The following MCOLN2 variants were observed in gnomAD, a reference collection of about 807,000 sequenced individuals.
MCOLN2 encodes mucolipin-2.
A neutral mutation model predicts 67.5 loss-of-function variants in MCOLN2; 57 were observed. The observed-to-expected ratio is 0.84, with a 90% CI of 0.68 to 1.05. MCOLN2 has a LOEUF of 1.05. Among genes scored for constraint, MCOLN2 ranks in the 50% least tolerant of loss-of-function variants. The pLI, the probability that MCOLN2 is intolerant of heterozygous loss-of-function variation, is 0.00. For missense variants in MCOLN2, 620 were observed against 678.8 expected, an observed-to-expected ratio of 0.91 and a Z score of 0.96; for synonymous variants, 246 against 233.3, an observed-to-expected ratio of 1.05 and a Z score of -0.50.
At chr1:84,948,900 C>A (rs1295846780) in intron 6 of MCOLN2, among the ~76,000 whole-genome samples, 3 of 152,218 alleles carry the variant, frequency 2.0e-5, no homozygotes, top group African/African-American at 7.2e-5. Flanking sequence ...AAGGCCAAGG[C>A]AGGTGGATCA....
chr1:84,969,578 A>G (rs1372070137), intron 1 of MCOLN2, among the ~76,000 whole-genome samples: 1 of 152,064 alleles, frequency 6.6e-6, no homozygotes, highest in East Asian at 1.9e-4. Flanking sequence ...CTCAAAAAAA[A>G]AAAAAAAAAA....
intron 1 of MCOLN2, among the ~76,000 whole-genome samples, chr1:84,984,969 C>G (rs867432254): frequency 2.0e-5 from 3 of 152,064 alleles, no homozygotes; most frequent in African/African-American, 2.4e-5. Context: ...GTACTCCAGT[C>G]TGCAACAGAG....
At chr1:84,966,208 C>T (rs902431983) in intron 1 of MCOLN2, among the ~76,000 whole-genome samples, 4 of 152,018 alleles carry the variant, frequency 2.6e-5, no homozygotes, top group South Asian at 2.1e-4. Flanking sequence ...GCCAAGGTCA[C>T]GCCACTGTAC....
intron 1 of MCOLN2, among the ~76,000 whole-genome samples, chr1:84,993,462 G>A (rs892503704): frequency 6.6e-6 from 1 of 152,106 alleles, no homozygotes; most frequent in African/African-American, 2.4e-5. Flanking sequence ...TCCTGTTAAT[G>A]TTAATATTTT....
rs145109809 is a variant in MCOLN2, at chr1:84,965,607, C to A, written c.179G>T (p.Arg60Leu). ...CAAACCCAGTTTCCACGGAATCTGG[C>A]GTCTGGCTCGGTATTTTTCACAAGG... ...MSPCEKYRAR[R>L]QIPWKLGLQI... The change falls in exon 2 of 14, where the codon CGC (arginine) becomes CTC (leucine). Residue 60 changes from arginine to leucine, a missense_variant. Physicochemically the swap from Arg to Leu is moderately radical, Grantham distance 102 (BLOSUM62 -2). Transcript: ENST00000370608. 3.7e-6 allele frequency: 6 copies of A among 1,614,048 alleles called. No homozygotes were observed. The South Asian group carries it at 6.6e-5, about 18-fold the overall frequency.
At chr1:84,971,495 G>T (rs1026550978) in intron 1 of MCOLN2, among the ~76,000 whole-genome samples, 5 of 84,634 alleles carry the variant, frequency 5.9e-5, no homozygotes, top group African/African-American at 2.2e-4. Context: ...GTATTAAACA[G>T]ACATACACAC....
chr1:84,968,698 T>C lies in MCOLN2; in HGVS notation c.78-2990A>G, dbSNP rs1329826388. On this transcript the variant is annotated intron_variant, in intron 1 of 13. Transcript: ENST00000370608. The stretch of plus-strand genomic sequence containing the variant: ...CAGGCCTCAGAAAACATAATCTCTC[T>C]GACCTTCTCCTGATCTCCTTTAACC... Among the ~76,000 whole-genome samples the C allele has an allele frequency of 2.6e-5, 4 of 152,222 alleles. No homozygotes were observed. The East Asian group carries it at 7.7e-4, about 29-fold the overall frequency.
chr1:84,973,006 G>T (rs1649773561), intron 1 of MCOLN2, among the ~76,000 whole-genome samples: 1 of 152,178 alleles, frequency 6.6e-6, no homozygotes, highest in South Asian at 2.1e-4. Context: ...TGCTGCAGTT[G>T]TCTCCAAAGT....
chr1:84,966,336 C>T (rs1263832333), intron 1 of MCOLN2, among the ~76,000 whole-genome samples: 1 of 152,094 alleles, frequency 6.6e-6, no homozygotes, highest in East Asian at 1.9e-4. Flanking sequence ...ACTTACAAGA[C>T]TCATCAATTC....
intron 7 of MCOLN2, among the ~76,000 whole-genome samples, chr1:84,944,533 A>AAAAGAAAG (rs147241168): frequency 6.6e-6 from 1 of 151,746 alleles, no homozygotes; most frequent in African/African-American, 2.4e-5. Context: ...CTCTGTCTCA[A>AAAAGAAAG]AAAGAAAGAA....
At chr1:84,991,975 TA>T (rs1349371333) in intron 1 of MCOLN2, among the ~76,000 whole-genome samples, 4 of 152,166 alleles carry the variant, frequency 2.6e-5, no homozygotes, top group African/African-American at 9.7e-5. Context: ...GAGCCCAACT[TA>T]ATAGAGTCAT....
chr1:84,992,753 A>AC (rs869159139), intron 1 of MCOLN2, among the ~76,000 whole-genome samples: 1 of 5,466 alleles, frequency 1.8e-4, no homozygotes, highest in East Asian at 0.045. Context: ...CATTATGTCT[A>AC]AAAAAACCAC....
intron 1 of MCOLN2, among the ~76,000 whole-genome samples, chr1:84,986,575 A>G (rs1200551437): frequency 6.8e-6 from 1 of 148,076 alleles, no homozygotes; most frequent in African/African-American, 2.5e-5. Flanking sequence ...TCTGCACAGC[A>G]AAAGAAACAA....
intron 1 of MCOLN2, among the ~76,000 whole-genome samples, chr1:84,967,328 C>A (rs1456148166): frequency 6.6e-6 from 1 of 152,126 alleles, no homozygotes; most frequent in Non-Finnish European, 1.5e-5. Flanking sequence ...TGACTTCTTG[C>A]CTTAGGAAGT....
rs76839671 is a variant in MCOLN2, at chr1:84,991,096, G to C, written c.77+5700C>G. ...AGTTTTCCATATTTTTTTCATTTTT[G>C]GTGGTTAACGTATGAATTCTTGAGT... On this transcript the variant is annotated intron_variant, in intron 1 of 13. Coordinates refer to ENST00000370608, the MANE Select transcript of MCOLN2 (RefSeq NM_153259.4). Among the ~76,000 whole-genome samples, 5 of 151,566 alleles carry C rather than the reference G, an allele frequency of 3.3e-5. No homozygotes were observed. The East Asian group carries it at 9.7e-4, about 29-fold the overall frequency.
Position 84,947,054 on chromosome 1 carries a change from C to A in MCOLN2, c.826G>T (p.Asp276Tyr), listed in dbSNP as rs1648151888. The A allele has an allele frequency of 6.4e-7, 1 of 1,570,816 alleles. No individual in the cohort carries two copies. The highest frequency in any genetic ancestry group is 1.1e-5 in the South Asian group (1 of 90,104). Residue 276 changes from aspartate to tyrosine, a missense_variant, in exon 7 of 14, where the codon GAC (aspartate) becomes TAC (tyrosine). Asp to Tyr is a radical substitution (Grantham distance 160). Coordinates refer to ENST00000370608, the MANE Select transcript of MCOLN2 (RefSeq NM_153259.4). ...DSDAKIEECK[D>Y]LNIFGSTQKN... ...TTACTAGATCCAAATATGTTCAAGT[C>A]TTTACATTCTTCAATTTTGGCATCA...
chr1:84,938,445 C>T (rs1267017834), intron 9 of MCOLN2, among the ~76,000 whole-genome samples: 1 of 152,154 alleles, frequency 6.6e-6, no homozygotes, highest in African/African-American at 2.4e-5. Flanking sequence ...AAGTACCAAA[C>T]AATACAATTC....
chr1:84,942,627 T>C (rs181753050), intron 7 of MCOLN2, among the ~76,000 whole-genome samples: 2 of 152,298 alleles, frequency 1.3e-5, no homozygotes, highest in Admixed American at 1.3e-4. Context: ...GCAGGGCCCA[T>C]AGGTAGTTGC....
Position 84,970,392 on chromosome 1 carries a change from A to AGGCATGG in MCOLN2, c.78-4691_78-4685dup, listed in dbSNP as rs1159471426. Among the ~76,000 whole-genome samples the AGGCATGG allele has an allele frequency of 4.6e-5, 7 of 151,794 alleles. No homozygotes were observed. In the East Asian group the frequency reaches 1.4e-3, roughly 30 times the overall value. ...ATCAAATACTTAAAGAATACTGGCC[A>AGGCATGG]GGCATGGTGGCTCATGCCTGTAATC... is the stretch of plus-strand genomic sequence containing the variant. On this transcript the variant is annotated intron_variant, in intron 1 of 13. Transcript: ENST00000370608.
Sources: allele counts gnomAD v4.1 joint callset (sites outside exome capture counted in the v4.1 genomes callset), GRCh38; gene constraint gnomAD v4.1.1; transcripts MANE v1.5; gene names NCBI Gene and HGNC (gene_info 2026-07-23, HGNC 2026-07-21).